The following TCTN1 variants were observed in gnomAD, a reference collection of about 807,000 sequenced individuals.
TCTN1 encodes the protein tectonic family member 1.
In TCTN1, 58 loss-of-function variants were observed where a neutral mutation model predicts 65.8. The observed-to-expected ratio is 0.88, with a 90% confidence interval of 0.71 to 1.10. The LOEUF (loss-of-function observed/expected upper bound fraction) is 1.10. Among genes scored for constraint, TCTN1 ranks in the 50% least tolerant of loss-of-function variants. The pLI, the probability that TCTN1 is intolerant of heterozygous loss-of-function variation, is 0.00. For synonymous variants in TCTN1, 273 were observed against 289.1 expected (o/e 0.94, Z 0.57); for missense variants, 645 against 719.4 (o/e 0.90, Z 1.18).
chr12:110,647,293 T>G lies in TCTN1; in HGVS notation c.1592T>G (p.Ile531Arg). 2 of 1,614,176 alleles carry G rather than the reference T, an allele frequency of 1.2e-6. No individual in the cohort carries two copies. Among genetic ancestry groups the G allele is most frequent in the South Asian group, 2.2e-5 (2 of 91,090 alleles). The part of the protein sequence containing the change: ...YGSLLNPQAK[I>R]VNVTANLISS... Reference sequence around the variant, plus strand: ...TCCCTGCTGAATCCACAGGCCAAAATAGTCAATGTAACTGCAAATCTAATT... The same window carrying G: ...TCCCTGCTGAATCCACAGGCCAAAAGAGTCAATGTAACTGCAAATCTAATT... Residue 531 changes from isoleucine (I) to arginine (R), a missense_variant, in exon 13 of 15, where the codon ATA becomes AGA. Transcript: ENST00000397659.
rs1358838193 is a variant in TCTN1, at chr12:110,649,130, A to G, written c.*89A>G. On this transcript the variant is annotated 3_prime_UTR_variant, in exon 15 of 15. Transcript: ENST00000397659. Reference sequence around the variant, plus strand: ...GATTAAATTTTATATACAACTAGCAATTGTCCAGCTTTGTTGCTCATTTTC... The same window carrying G: ...GATTAAATTTTATATACAACTAGCAGTTGTCCAGCTTTGTTGCTCATTTTC... 1.5e-6 allele frequency: 1 copy of G among 669,658 alleles called. No individual in the cohort carries two copies. Among genetic ancestry groups the G allele is most frequent in the Non-Finnish European group, 2.7e-6 (1 of 366,956 alleles). 41.5% of individuals were successfully genotyped at this position (669,658 alleles called of 1,614,324 possible). A position where few individuals can be genotyped will look rare whatever the true frequency, so the allele number is the denominator to read the frequency against.
At chr12:110,626,760 G>A (rs1209679423) in intron 3 of TCTN1, among the ~76,000 whole-genome samples, 1 of 140,548 alleles carries the variant, frequency 7.1e-6, no homozygotes, top group African/African-American at 2.7e-5. Context: ...TTGTGTGTGC[G>A]TGGTTTTTTT....
In TCTN1 at chr12:110,642,292, ATTC is replaced by A; in HGVS notation, c.1238_1240del (p.Leu413del). 6.2e-7 allele frequency: 1 copy of A among 1,614,190 alleles called. No individual in the cohort carries two copies. Among genetic ancestry groups the A allele is most frequent in the Non-Finnish European group, 8.5e-7 (1 of 1,180,034 alleles). On this transcript the variant is annotated inframe_deletion, in exon 11 of 15. Transcript: ENST00000397659. ...CACAAATAGATATGGACAGCTTACT[ATTC>A]TTCATAGCACAACTGAGCAAGACTG...
At chr12:110,629,487 A>G (rs1348956575) in intron 4 of TCTN1, 3 of 152,428 alleles carry the variant, frequency 2.0e-5, no homozygotes, top group Admixed American at 6.5e-5. Flanking sequence ...CGAACCTATG[A>G]AAAAAGGCTC....
chr12:110,633,259 C>T (rs896198142), intron 5 of TCTN1, among the ~76,000 whole-genome samples: 13 of 152,266 alleles, frequency 8.5e-5, no homozygotes, highest in African/African-American at 2.9e-4. Context: ...AAGTAATGGA[C>T]GATAGGAATG....
Position 110,619,901 on chromosome 12 carries a change from G to A in TCTN1, c.286G>A (p.Asp96Asn), listed in dbSNP as rs1048212721. 3.7e-6 allele frequency: 6 copies of A among 1,614,080 alleles called. No individual in the cohort carries two copies. Among genetic ancestry groups the A allele is most frequent in the African/African-American group, 1.3e-5 (1 of 75,018 alleles). The change falls in exon 2 of 15, where the codon GAC becomes AAC. Residue 96 changes from aspartate to asparagine, a missense_variant. By Grantham distance (23) the Asp-to-Asn change is conservative (BLOSUM62 1). Transcript: ENST00000397659. ...TGACATCAACTGCTGCTGTGATCCC[G>A]ACTGCAGCTCCGTGGATTTCAGTGT... Reference protein sequence around the residue: ...QCDINCCCDPDCSSVDFSVFS... With the variant: ...QCDINCCCDPNCSSVDFSVFS...
Position 110,647,885 on chromosome 12 carries a change from T to C in TCTN1, c.1772T>C (p.Phe591Ser). The C allele has an allele frequency of 6.2e-7, 1 of 1,613,570 alleles. No homozygotes were observed. The stretch of plus-strand genomic sequence containing the variant: ...CTGCCCTTTAACTTCTTCTTCCCGT[T>C]TGTTTGACGTAAGTGAGGAAACTAC... ...ARLPFNFFFP[F>S]V The change falls in exon 14 of 15, where the codon TTT (phenylalanine) becomes TCT (serine). Residue 591 changes from phenylalanine (F) to serine (S), a missense_variant. Physicochemically the swap from Phe to Ser is radical, Grantham distance 155. Transcript: ENST00000397659.
At chr12:110,642,823 C>T (rs1485802036) in intron 11 of TCTN1, among the ~76,000 whole-genome samples, 4 of 151,660 alleles carry the variant, frequency 2.6e-5, no homozygotes, top group Non-Finnish European at 5.9e-5. Context: ...GTGGTATAAT[C>T]TCAACTCACT....
intron 7 of TCTN1, among the ~76,000 whole-genome samples, chr12:110,638,236 C>G (rs887554163): frequency 6.6e-5 from 10 of 152,170 alleles, no homozygotes; most frequent in African/African-American, 2.2e-4. Context: ...GCTTCACACA[C>G]CTTCCTTCTT....
At chr12:110,647,038 A>G in intron 12 of TCTN1, 158 bp from the exon 13 acceptor site, 1 of 821,446 alleles carries the variant, frequency 1.2e-6, no homozygotes, top group Non-Finnish European at 1.9e-6. Flanking sequence ...TTACTTTAAA[A>G]CACGTATATT....
At chr12:110,616,933 A>G (rs888516786) in intron 1 of TCTN1, 2 of 152,214 alleles carry the variant, frequency 1.3e-5, no homozygotes, top group African/African-American at 4.8e-5. Context: ...AGGCAAGGGC[A>G]GCTGAGTGCT....
At chr12:110,614,521 G>C in intron 1 of TCTN1, 119 bp downstream of exon 1, 1 of 1,524,412 alleles carries the variant, frequency 6.6e-7, no homozygotes, top group Non-Finnish European at 8.8e-7. Context: ...TGCAGACACT[G>C]CTGAGTGTTC....
rs10577377 is a variant in TCTN1, at chr12:110,628,757, TAAA to T, written c.473-6_473-4del. ...TACCGATTTAAAATACTGTTTTTTT[TAAA>T]AAACAGATAAACCTGCATTATCCTT... On this transcript the variant is annotated splice_polypyrimidine_tract_variant and splice_region_variant and intron_variant, in intron 3 of 14. Coordinates refer to ENST00000397659, the MANE Select transcript of TCTN1 (RefSeq NM_001082538.3). 3.7e-3 allele frequency: 5,927 copies of T among 1,586,552 alleles called. 339 individuals carry two copies. In the Admixed American group the frequency reaches 0.093, roughly 25 times the overall value.
At chr12:110,619,238 G>A (rs966409631) in intron 1 of TCTN1, among the ~76,000 whole-genome samples, 22 of 152,038 alleles carry the variant, frequency 1.4e-4, no homozygotes, top group Middle Eastern at 3.4e-3. Flanking sequence ...TTCCTACCCC[G>A]CCCTCATACC....
Position 110,640,445 on chromosome 12 carries a change from G to T in TCTN1, c.906G>T (p.Glu302Asp). 6.2e-7 allele frequency: 1 copy of T among 1,614,204 alleles called. No individual in the cohort carries two copies. The highest frequency in any genetic ancestry group is 8.5e-7 in the Non-Finnish European group (1 of 1,180,046). The change falls in exon 8 of 15, where the codon GAG becomes GAT. Residue 302 changes from glutamate to aspartate, a missense_variant. Coordinates refer to ENST00000397659, the MANE Select transcript of TCTN1 (RefSeq NM_001082538.3). The surrounding 1 kb of genome is among the most constrained non-coding windows in gnomAD (Gnocchi z 4.9). ...TAAATAAAACGCTCACCCGACGGGA[G>T]GACACTGATGTGCTGCAGCCGACTC... ...QSLNKTLTRR[E>D]DTDVLQPTLV...
At chr12:110,648,074 C>A (rs1386163762) in intron 14 of TCTN1, among the ~76,000 whole-genome samples, 181 bp downstream of exon 14, 1 of 152,118 alleles carries the variant, frequency 6.6e-6, no homozygotes, top group South Asian at 2.1e-4. Flanking sequence ...TGGGCTCAAG[C>A]AATCCACCCA....
At position 110,614,329 on chromosome 12, in the gene TCTN1, G is replaced by T. The variant is rs1246022634; in HGVS notation, c.147G>T (p.Pro49=). ...EAALATFGTF[P]STRPPGTPRA... is the part of the protein sequence containing the mutation. ...CCCTGGCCACCTTCGGAACTTTCCC[G>T]TCGACCAGGCCCCCCGGGACTCCCA... The change falls in exon 1 of 15, where the codon CCG becomes CCT. Residue 49 remains proline, a synonymous_variant. Transcript: ENST00000397659. 1.2e-6 allele frequency: 2 copies of T among 1,605,938 alleles called. No homozygotes were observed. Among genetic ancestry groups the T allele is most frequent in the Non-Finnish European group, 1.7e-6 (2 of 1,177,128 alleles).
intron 1 of TCTN1, 79 bp downstream of exon 1, chr12:110,614,481 A>G (rs1314419116): frequency 6.5e-7 from 1 of 1,547,416 alleles, no homozygotes; most frequent in South Asian, 1.2e-5. Flanking sequence ...CGTAATAATG[A>G]TAGCTAACTC....
rs144354084 is a variant in TCTN1, at chr12:110,623,880, T to C, written c.342-2482T>C. Reference sequence around the variant, plus strand: ...GATTACAGGCATGAGCCACGGTGCTTGGGCTGTACCATATCCATATCTATA... The same window carrying C: ...GATTACAGGCATGAGCCACGGTGCTCGGGCTGTACCATATCCATATCTATA... On this transcript the variant is annotated intron_variant, in intron 2 of 14. Transcript: ENST00000397659. Among the ~76,000 whole-genome samples the C allele has an allele frequency of 8.5e-5, 13 of 152,096 alleles. No individual in the cohort carries two copies. The East Asian group carries it at 2.5e-3, about 29-fold the overall frequency.
Sources: allele counts gnomAD v4.1 joint callset (sites outside exome capture counted in the v4.1 genomes callset), GRCh38; gene constraint gnomAD v4.1.1; non-coding constraint Gnocchi (gnomAD v3.1); transcripts MANE v1.5; gene names NCBI Gene and HGNC (gene_info 2026-07-23, HGNC 2026-07-21).